The following IFI16 variants were observed in gnomAD, a reference collection of about 807,000 sequenced individuals.
The protein encoded by IFI16 is interferon gamma inducible protein 16, also known as gamma-interferon-inducible protein 16.
In IFI16, 49 loss-of-function variants were observed where a neutral mutation model predicts 68.4. That is an observed-to-expected ratio of 0.72 (90% CI 0.57 to 0.91). The LOEUF is 0.91. Ranked by LOEUF, IFI16 falls within the 40% of genes least tolerant of loss-of-function variation. IFI16 has a pLI of 0.00. For synonymous variants in IFI16, 307 were observed against 315.0 expected (o/e 0.97, Z 0.27); for missense variants, 878 against 942.9 (o/e 0.93, Z 0.90).
chr1:159,032,169 G>A (rs531643662), intron 6 of IFI16, among the ~76,000 whole-genome samples: 64 of 152,342 alleles, frequency 4.2e-4, no homozygotes, highest in Admixed American at 7.2e-4. Flanking sequence ...AAACAGCATA[G>A]TGAGTTCTGT....
In IFI16 at chr1:159,032,710, C is replaced by T. The variant is rs369173365; in HGVS notation, c.1329+19C>T. The stretch of plus-strand genomic sequence containing the variant: ...CACCAAGGTACAATTTCCTGGGTCC[C>T]ATGCCTCATGTCTCCCCACCATAAT... On this transcript the variant is annotated intron_variant, in intron 7 of 11. Coordinates refer to ENST00000295809, the MANE Select transcript of IFI16 (RefSeq NM_001376587.1). The T allele has an allele frequency of 6.4e-7, 1 of 1,558,028 alleles. No homozygotes were observed. The highest frequency in any genetic ancestry group is 8.7e-7 in the Non-Finnish European group (1 of 1,154,950).
chr1:159,025,392 A>C (rs1382821439), intron 6 of IFI16, among the ~76,000 whole-genome samples: 2 of 152,246 alleles, frequency 1.3e-5, no homozygotes, highest in East Asian at 3.8e-4. Flanking sequence ...TAAATAAGTT[A>C]AATTTTACCT....
intron 1 of IFI16, among the ~76,000 whole-genome samples, chr1:159,010,667 AAC>A (rs1193379172): frequency 6.6e-6 from 1 of 152,326 alleles, no homozygotes; most frequent in South Asian, 2.1e-4. Flanking sequence ...CAGTTTCACA[AAC>A]ACAGTTACTC....
chr1:159,054,781 G>C, intron 11 of IFI16, 40 bp from the exon 12 acceptor site: 1 of 1,032,560 alleles, frequency 9.7e-7, no homozygotes. Flanking sequence ...AGGATCATCA[G>C]CATCTCAACT....
In IFI16 at chr1:159,051,854, A is replaced by T; in HGVS notation, c.1841A>T (p.Lys614Met). The T allele has an allele frequency of 6.2e-7, 1 of 1,614,148 alleles. No homozygotes were observed. Residue 614 changes from lysine to methionine, a missense_variant, in exon 10 of 12, where the codon AAG becomes ATG. Physicochemically the swap from Lys to Met is moderately conservative, Grantham distance 95. Transcript: ENST00000295809. ...ACTGAGAATGAAGTCTTCCGAGTGA[A>T]GGTTTTTAATATTGACCTAAAGGAG... Reference protein sequence around the residue: ...VATENEVFRVKVFNIDLKEKF... With the variant: ...VATENEVFRVMVFNIDLKEKF...
At chr1:159,037,137 T>G (rs1004596815) in intron 7 of IFI16, among the ~76,000 whole-genome samples, 1 of 152,226 alleles carries the variant, frequency 6.6e-6, no homozygotes, top group Non-Finnish European at 1.5e-5. Context: ...CAGTCAGTTT[T>G]CTGACGCATA....
chr1:159,043,464 ACATACACCACGTAGT>A (rs1383715758), intron 7 of IFI16, among the ~76,000 whole-genome samples: 1 of 152,108 alleles, frequency 6.6e-6, no homozygotes, highest in Non-Finnish European at 1.5e-5. Context: ...ATCCACCTAA[ACATACACCACGTAGT>A]CATTTCTTCT....
Position 159,018,577 on chromosome 1 carries a change from G to A in IFI16, c.898G>A (p.Glu300Lys), listed in dbSNP as rs773566422. The A allele has an allele frequency of 2.5e-6, 4 of 1,613,620 alleles. No homozygotes were observed. The highest frequency in any genetic ancestry group is 3.4e-6 in the Non-Finnish European group (4 of 1,179,612). Residue 300 changes from glutamate to lysine, a missense_variant, in exon 5 of 12, where the codon GAA (glutamate) becomes AAA (lysine). Glu to Lys is a moderately conservative substitution (Grantham distance 56). This residue lies in a region of IFI16 where 443 missense variants were observed against 421.8 expected (regional missense o/e 1.05). Coordinates refer to ENST00000295809, the MANE Select transcript of IFI16 (RefSeq NM_001376587.1). ...AAATAAAATCATCAACAGAGCAAAG[G>A]AAACTCTGAAGATTGATATTCTTCA... ...VPNKIINRAK[E>K]TLKIDILHKQ...
At chr1:159,048,205 T>A (rs1397465305) in intron 8 of IFI16, among the ~76,000 whole-genome samples, 1 of 151,258 alleles carries the variant, frequency 6.6e-6, no homozygotes, top group Admixed American at 6.6e-5. Flanking sequence ...CCCTAATAGA[T>A]CGTGGAAAAA....
chr1:159,012,179 G>T (rs35904745), intron 1 of IFI16, among the ~76,000 whole-genome samples: 9,682 of 152,152 alleles, frequency 0.064, 379 homozygotes, highest in Non-Finnish European at 0.085. Context: ...CTTGCAAAAA[G>T]ACTGAGGCCC....
upstream of IFI16, among the ~76,000 whole-genome samples, chr1:159,008,109 A>T (rs1652325990): frequency 1.3e-5 from 2 of 152,202 alleles, no homozygotes; most frequent in Admixed American, 6.5e-5. Flanking sequence ...ATGAGGCCAG[A>T]AAGGTAAAAT....
intron 1 of IFI16, among the ~76,000 whole-genome samples, chr1:159,013,126 C>T (rs1288892083): frequency 1.4e-5 from 2 of 145,000 alleles, no homozygotes; most frequent in African/African-American, 5.0e-5. Context: ...TGGACCTTTT[C>T]AGTCCAAGGA....
At chr1:159,048,967 G>C (rs1307964061) in intron 8 of IFI16, among the ~76,000 whole-genome samples, 2 of 151,352 alleles carry the variant, frequency 1.3e-5, no homozygotes, top group Non-Finnish European at 3.0e-5. Context: ...TCCTGTTATG[G>C]CTACGATCAG....
At chr1:159,041,099 C>T (rs917015668) in intron 7 of IFI16, among the ~76,000 whole-genome samples, 2 of 152,194 alleles carry the variant, frequency 1.3e-5, no homozygotes, top group African/African-American at 4.8e-5. Flanking sequence ...GCCCTCTCAC[C>T]TACCACTTTT....
At chr1:159,042,508 G>T (rs987503826) in intron 7 of IFI16, among the ~76,000 whole-genome samples, 24 of 152,086 alleles carry the variant, frequency 1.6e-4, no homozygotes, top group African/African-American at 5.6e-4. Context: ...CACATCGGGG[G>T]TTTGGATACT....
upstream of IFI16, among the ~76,000 whole-genome samples, chr1:159,005,767 A>G (rs12239437): frequency 0.05 from 7,591 of 152,272 alleles, 453 homozygotes; most frequent in East Asian, 0.26. Context: ...GCATACTGGC[A>G]CCAAGATGAC....
chr1:159,026,669 C>T (rs906986877), intron 6 of IFI16, among the ~76,000 whole-genome samples: 2 of 152,134 alleles, frequency 1.3e-5, no homozygotes, highest in African/African-American at 2.4e-5. Flanking sequence ...TTGTTTGCGT[C>T]GTCTATGATT....
intron 10 of IFI16, 178 bp from the exon 11 acceptor site, chr1:159,053,355 A>G (rs1228806567): frequency 2.3e-6 from 1 of 430,052 alleles, no homozygotes. Flanking sequence ...TCAAGGGAGG[A>G]GTTGAAAGGC....
chr1:159,044,410 C>T (rs971930311), intron 7 of IFI16, among the ~76,000 whole-genome samples: 13 of 152,206 alleles, frequency 8.5e-5, no homozygotes, highest in Middle Eastern at 3.4e-3. Context: ...GGGTTTATTT[C>T]CATAGTCCAG....
Sources: gnomAD v4.1 joint callset for allele counts (sites outside exome capture counted in the v4.1 genomes callset) on GRCh38, gnomAD v4.1.1 for gene constraint, gnomAD v4.1.1 regional missense constraint, MANE v1.5 for transcripts, NCBI Gene and HGNC (gene_info 2026-07-23, HGNC 2026-07-21) for gene names.